AGAP1: variants seen among roughly 807,000 people sequenced by gnomAD.
The protein encoded by AGAP1 is ArfGAP with GTPase domain, ankyrin repeat and PH domain 1, also known as arf-GAP with GTPase, ANK repeat and PH domain-containing protein 1.
Under a neutral mutation model 105.3 loss-of-function variants are expected in AGAP1, and 29 were observed. The ratio of observed to expected loss-of-function variants is 0.28; its 90% confidence interval spans 0.21 to 0.38. The LOEUF (loss-of-function observed/expected upper bound fraction) is 0.38. AGAP1 is among the 10% of genes least tolerant of loss of function. The pLI, the probability that AGAP1 is intolerant of heterozygous loss-of-function variation, is 1.00. For synonymous variants in AGAP1, 509 were observed against 485.9 expected (o/e 1.05, Z -0.63); for missense variants, 998 against 1,165.1 (o/e 0.86, Z 2.09).
intron 1 of AGAP1, among the ~76,000 whole-genome samples, chr2:235,682,840 G>T (rs1446609292): frequency 6.7e-6 from 1 of 148,652 alleles, no homozygotes; most frequent in Admixed American, 6.7e-5. Context: ...CACGAGCACG[G>T]AATTCATGTT....
chr2:235,700,422 A>G lies in AGAP1; in HGVS notation c.164-8757A>G, dbSNP rs1215763657. ...GAATCCTTTAAGCAGTGCTTTACAC[A>G]CCCACGACAAGGGCGTTCTTGGGGA... is the stretch of plus-strand genomic sequence containing the variant. On this transcript the variant is annotated intron_variant, in intron 1 of 17. Coordinates refer to ENST00000304032, the MANE Select transcript of AGAP1 (RefSeq NM_001037131.3). This position sits in a 1 kb window ranked among gnomAD's most constrained non-coding sequence, Gnocchi z 6.1. Among the ~76,000 whole-genome samples, 1 of 152,094 alleles carries G rather than the reference A, an allele frequency of 6.6e-6. No homozygotes were observed. Among genetic ancestry groups the G allele is most frequent in the Non-Finnish European group, 1.5e-5 (1 of 68,036 alleles).
rs1301071741 is a variant in AGAP1 at position 235,612,654 on chromosome 2, A to G, written c.164-96525A>G. Among the ~76,000 whole-genome samples the G allele has an allele frequency of 6.6e-6, 1 of 152,224 alleles. No homozygotes were observed. Among genetic ancestry groups the G allele is most frequent in the Non-Finnish European group, 1.5e-5 (1 of 68,044 alleles). ...AACAGTTGTGGTTCACGTGTACCAA[A>G]CTTGGGAAATCCTGACCAGCGCATC... On this transcript the variant is annotated intron_variant, in intron 1 of 17. Coordinates refer to ENST00000304032, the MANE Select transcript of AGAP1 (RefSeq NM_001037131.3). This position sits in a 1 kb window ranked among gnomAD's most constrained non-coding sequence, Gnocchi z 4.3.
intron 1 of AGAP1, among the ~76,000 whole-genome samples, chr2:235,672,971 C>A (rs1948516157): frequency 6.6e-6 from 1 of 152,160 alleles, no homozygotes; most frequent in African/African-American, 2.4e-5. Flanking sequence ...CATGATATTA[C>A]CAGCATTGTG....
chr2:235,941,029 A>C (rs572610668), intron 12 of AGAP1, among the ~76,000 whole-genome samples: 3 of 152,298 alleles, frequency 2.0e-5, no homozygotes, highest in African/African-American at 7.2e-5. Flanking sequence ...GTTTTATATG[A>C]TATAATCTTC....
At chr2:235,921,295 T>A (rs1340465769) in intron 11 of AGAP1, among the ~76,000 whole-genome samples, 1 of 152,338 alleles carries the variant, frequency 6.6e-6, no homozygotes, top group Non-Finnish European at 1.5e-5. Context: ...GGAAAATGGT[T>A]AGGAAATCAT....
chr2:235,603,041 C>T (rs1945785782), intron 1 of AGAP1, among the ~76,000 whole-genome samples: 1 of 152,072 alleles, frequency 6.6e-6, no homozygotes, highest in Non-Finnish European at 1.5e-5. Context: ...TGGCTGTGTC[C>T]CCACCCAAAT....
At position 235,663,132 on chromosome 2, in the gene AGAP1, G is replaced by A. The variant is rs1948016450; in HGVS notation, c.164-46047G>A. 6.6e-6 allele frequency among the ~76,000 whole-genome samples: 1 copy of A among 152,156 alleles called. No homozygotes were observed. Among genetic ancestry groups the A allele is most frequent in the Admixed American group, 6.5e-5 (1 of 15,268 alleles). On this transcript the variant is annotated intron_variant, in intron 1 of 17. Coordinates refer to ENST00000304032, the MANE Select transcript of AGAP1 (RefSeq NM_001037131.3). This position sits in a 1 kb window ranked among gnomAD's most constrained non-coding sequence, Gnocchi z 5.4. ...CTGAGGTCAGCCTGACCAACAAGGTGAAACCCTGTCTCTACTAAAAATAAA... is the reference window on the plus strand; with the variant it reads ...CTGAGGTCAGCCTGACCAACAAGGTAAAACCCTGTCTCTACTAAAAATAAA...
At chr2:235,807,087 T>C (rs1323804482) in intron 8 of AGAP1, 152 bp from the exon 9 acceptor site, 11 of 668,372 alleles carry the variant, frequency 1.6e-5, no homozygotes, top group Non-Finnish European at 2.8e-5. Flanking sequence ...GATGAACTAC[T>C]GAGCTGTCTG....
At position 235,900,385 on chromosome 2, in the gene AGAP1, G is replaced by A. The variant is rs575640246; in HGVS notation, c.1156-8353G>A. On this transcript the variant is annotated intron_variant, in intron 10 of 17. Coordinates refer to ENST00000304032, the MANE Select transcript of AGAP1 (RefSeq NM_001037131.3). The surrounding 1 kb of genome is among the most constrained non-coding windows in gnomAD (Gnocchi z 5.5). ...AATCTTACAGTTTAATGGAATTGTT[G>A]TTGTGTCTCGGTGGCAGCATTTCTC... Among the ~76,000 whole-genome samples, 1 of 152,056 alleles carries A rather than the reference G, an allele frequency of 6.6e-6. No homozygotes were observed. The highest frequency in any genetic ancestry group is 1.5e-5 in the Non-Finnish European group (1 of 67,980).
intron 1 of AGAP1, among the ~76,000 whole-genome samples, chr2:235,541,230 A>T (rs1943422928): frequency 6.6e-6 from 1 of 152,130 alleles, no homozygotes; most frequent in Non-Finnish European, 1.5e-5. Context: ...GATAATAAAA[A>T]TGCCAGCCTG....
At chr2:235,717,403 A>G (rs530648473) in intron 2 of AGAP1, among the ~76,000 whole-genome samples, 154 bp from the exon 3 acceptor site, 1 of 152,306 alleles carries the variant, frequency 6.6e-6, no homozygotes, top group East Asian at 1.9e-4. Context: ...CTTTTACTCC[A>G]ATGGAAGTAT....
rs1950194066 is a variant in AGAP1, at chr2:235,700,440, C to G, written c.164-8739C>G. 6.6e-6 allele frequency among the ~76,000 whole-genome samples: 1 copy of G among 152,166 alleles called. No individual in the cohort carries two copies. ...TTTACACACCCACGACAAGGGCGTTCTTGGGGAACACCGTGATTCTGGAGG... is the reference window on the plus strand; with the variant it reads ...TTTACACACCCACGACAAGGGCGTTGTTGGGGAACACCGTGATTCTGGAGG... On this transcript the variant is annotated intron_variant, in intron 1 of 17. Transcript: ENST00000304032. The surrounding 1 kb of genome is among the most constrained non-coding windows in gnomAD (Gnocchi z 6.1).
At chr2:235,540,092 C>A (rs1019398063) in intron 1 of AGAP1, among the ~76,000 whole-genome samples, 3 of 151,596 alleles carry the variant, frequency 2.0e-5, no homozygotes, top group Non-Finnish European at 4.4e-5. Flanking sequence ...GGGACACCTC[C>A]ATCTCATTTT....
At position 235,712,967 on chromosome 2, in the gene AGAP1, A is replaced by G. The variant is rs1263902537; in HGVS notation, c.222+3730A>G. 6.6e-6 allele frequency among the ~76,000 whole-genome samples: 1 copy of G among 152,230 alleles called. No individual in the cohort carries two copies. The highest frequency in any genetic ancestry group is 1.5e-5 in the Non-Finnish European group (1 of 68,036). On this transcript the variant is annotated intron_variant, in intron 2 of 17. Coordinates refer to ENST00000304032, the MANE Select transcript of AGAP1 (RefSeq NM_001037131.3). This position sits in a 1 kb window ranked among gnomAD's most constrained non-coding sequence, Gnocchi z 6.0. ...CAGCGTTTCAAATTAAAATGATGCCATCGTGTGTGACTGAGGTGGTCTGTG... is the reference window on the plus strand; with the variant it reads ...CAGCGTTTCAAATTAAAATGATGCCGTCGTGTGTGACTGAGGTGGTCTGTG...
In AGAP1 at chr2:235,665,227, C is replaced by A. The variant is rs971065363; in HGVS notation, c.164-43952C>A. 6.6e-6 allele frequency among the ~76,000 whole-genome samples: 1 copy of A among 152,130 alleles called. No individual in the cohort carries two copies. Among genetic ancestry groups the A allele is most frequent in the Non-Finnish European group, 1.5e-5 (1 of 68,046 alleles). On this transcript the variant is annotated intron_variant, in intron 1 of 17. Coordinates refer to ENST00000304032, the MANE Select transcript of AGAP1 (RefSeq NM_001037131.3). This position sits in a 1 kb window ranked among gnomAD's most constrained non-coding sequence, Gnocchi z 5.3. ...TGGTGTGTTCATACACAATAGACATCGCCAGTGTTCTGTTGGCAGGAATTG... is the reference window on the plus strand; with the variant it reads ...TGGTGTGTTCATACACAATAGACATAGCCAGTGTTCTGTTGGCAGGAATTG...
intron 1 of AGAP1, among the ~76,000 whole-genome samples, chr2:235,698,601 A>G (rs1049819024): frequency 3.9e-5 from 6 of 152,176 alleles, no homozygotes; most frequent in African/African-American, 1.4e-4. Flanking sequence ...GATCTGTTCA[A>G]AATTCTACGT....
intron 17 of AGAP1, among the ~76,000 whole-genome samples, chr2:236,122,700 T>TTTTTTA (rs2059928687): frequency 2.8e-5 from 4 of 143,960 alleles, no homozygotes; most frequent in Admixed American, 6.9e-5. Flanking sequence ...TTTTTTTTTT[T>TTTTTTA]GAGACAGAGT....
chr2:235,693,755 A>T (rs904950367), intron 1 of AGAP1, among the ~76,000 whole-genome samples: 1 of 152,202 alleles, frequency 6.6e-6, no homozygotes, highest in Non-Finnish European at 1.5e-5. Flanking sequence ...TAGAAATTAG[A>T]TAAGAGTTAA....
intron 1 of AGAP1, among the ~76,000 whole-genome samples, chr2:235,632,951 G>A (rs944315067): frequency 2.6e-5 from 4 of 152,040 alleles, no homozygotes; most frequent in Admixed American, 2.6e-4. Context: ...TTGCAAAGTG[G>A]GGTTAGCCCT....
Sources: allele counts gnomAD v4.1 joint callset (sites outside exome capture counted in the v4.1 genomes callset), GRCh38; gene constraint gnomAD v4.1.1; non-coding constraint Gnocchi (gnomAD v3.1); transcripts MANE v1.5; gene names NCBI Gene and HGNC (gene_info 2026-07-23, HGNC 2026-07-21).